AOPEP: variants seen among roughly 807,000 people sequenced by gnomAD.
The protein encoded by AOPEP is aminopeptidase O.
AOPEP carries 77 observed loss-of-function variants against 98.1 expected under a neutral mutation model. The observed-to-expected ratio is 0.78, with a 90% CI of 0.65 to 0.95. The LOEUF is 0.95. Ranked by LOEUF, AOPEP falls within the 40% of genes least tolerant of loss-of-function variation. The pLI is 0.00. For synonymous variants in AOPEP, 346 were observed against 365.3 expected (o/e 0.95, Z 0.60); for missense variants, 1,024 against 1,024.7 (o/e 1.00, Z 0.01).
intron 4 of AOPEP, among the ~76,000 whole-genome samples, chr9:94,798,764 A>T (rs187245811): frequency 6.6e-6 from 1 of 152,340 alleles, no homozygotes; most frequent in East Asian, 1.9e-4. Context: ...ACATGAGAAA[A>T]AGATACTGTG....
chr9:94,764,834 ACT>A (rs1271794865), intron 2 of AOPEP, among the ~76,000 whole-genome samples: 1 of 151,006 alleles, frequency 6.6e-6, no homozygotes, highest in East Asian at 1.9e-4. Context: ...GTATATGGAA[ACT>A]CTGTATATTA....
At chr9:94,769,104 T>A (rs1840291439) in intron 2 of AOPEP, among the ~76,000 whole-genome samples, 1 of 152,250 alleles carries the variant, frequency 6.6e-6, no homozygotes, top group African/African-American at 2.4e-5. Context: ...ATGGGGGCCA[T>A]CTTTAGTCTG....
chr9:95,051,500 C>T (rs2066361849), intron 13 of AOPEP, among the ~76,000 whole-genome samples: 1 of 151,898 alleles, frequency 6.6e-6, no homozygotes, highest in Admixed American at 6.6e-5. Flanking sequence ...CTAAGACATA[C>T]AGTTGAGTTT....
chr9:95,107,824 G>A, the AOPEP span, among the ~76,000 whole-genome samples: 24 of 152,204 alleles, frequency 1.6e-4, no homozygotes, highest in South Asian at 2.9e-3. Context: ...TTTAGATGCC[G>A]GAACAATCTG....
chr9:94,874,030 A>G (rs557193516), intron 5 of AOPEP, among the ~76,000 whole-genome samples: 110 of 152,342 alleles, frequency 7.2e-4, no homozygotes, highest in Non-Finnish European at 1.2e-3. Flanking sequence ...CATGTAAAGT[A>G]TATTAGAAAT....
At chr9:94,753,519 T>C (rs976573312) in intron 1 of AOPEP, among the ~76,000 whole-genome samples, 42 of 152,060 alleles carry the variant, frequency 2.8e-4, no homozygotes, top group African/African-American at 9.4e-4. Flanking sequence ...AAAACAGGAA[T>C]GTAGAAAAAT....
intron 13 of AOPEP, among the ~76,000 whole-genome samples, chr9:95,025,163 C>G (rs1242698764): frequency 6.6e-6 from 1 of 152,210 alleles, no homozygotes; most frequent in Non-Finnish European, 1.5e-5. Flanking sequence ...TGCTCACCTG[C>G]TGCACCTGGT....
At chr9:95,051,955 G>A (rs896908892) in intron 13 of AOPEP, among the ~76,000 whole-genome samples, 2 of 152,120 alleles carry the variant, frequency 1.3e-5, no homozygotes, top group Middle Eastern at 3.4e-3. Flanking sequence ...TGCCCACCTC[G>A]GCCTCCCAAA....
intron 11 of AOPEP, among the ~76,000 whole-genome samples, chr9:95,000,270 C>G (rs562676210): frequency 6.6e-6 from 1 of 152,314 alleles, no homozygotes; most frequent in South Asian, 2.1e-4. Context: ...GAAGACTGTC[C>G]TGTGGCTCCT....
At chr9:95,044,452 A>G (rs1375399036) in intron 13 of AOPEP, among the ~76,000 whole-genome samples, 1 of 152,196 alleles carries the variant, frequency 6.6e-6, no homozygotes, top group Non-Finnish European at 1.5e-5. Context: ...AAATGGGAGC[A>G]TCATGCGCAG....
At chr9:94,749,911 G>A (rs1298074185) in intron 1 of AOPEP, among the ~76,000 whole-genome samples, 1 of 140,854 alleles carries the variant, frequency 7.1e-6, no homozygotes, top group Non-Finnish European at 1.5e-5. Context: ...TTTCTTTTAT[G>A]TCTAGTATTA....
At chr9:95,117,378 G>A in the AOPEP span, 12 of 1,613,870 alleles carry the variant, frequency 7.4e-6, no homozygotes, top group Non-Finnish European at 1.0e-5. Flanking sequence ...TAGGTCTTGA[G>A]TGCAAACCGC....
At chr9:94,847,152 A>ACT (rs1554739476) in intron 5 of AOPEP, among the ~76,000 whole-genome samples, 5 of 140,474 alleles carry the variant, frequency 3.6e-5, no homozygotes, top group South Asian at 2.4e-4. Context: ...ACACACACAC[A>ACT]CTCTCTCTGT....
intron 16 of AOPEP, chr9:95,082,952 T>A (rs1391576220): frequency 3.8e-6 from 2 of 526,990 alleles, no homozygotes; most frequent in Non-Finnish European, 6.8e-6. Flanking sequence ...GCAGAGGCTG[T>A]CCACCTGGAG....
intron 7 of AOPEP, among the ~76,000 whole-genome samples, chr9:94,945,162 A>G (rs771749011): frequency 2.6e-5 from 4 of 152,216 alleles, no homozygotes; most frequent in Admixed American, 2.0e-4. Flanking sequence ...TTCACTCCCA[A>G]GAAAGCATCC....
chr9:94,788,709 G>T (rs1415418262), intron 3 of AOPEP, among the ~76,000 whole-genome samples: 1 of 152,188 alleles, frequency 6.6e-6, no homozygotes, highest in African/African-American at 2.4e-5. Context: ...TGCCTAGACA[G>T]TGAAAGCCTG....
the AOPEP span, among the ~76,000 whole-genome samples, chr9:95,111,841 C>T: frequency 1.3e-5 from 2 of 152,196 alleles, no homozygotes; most frequent in African/African-American, 2.4e-5. Flanking sequence ...GAGTGCCTCT[C>T]AGGACCCCCG....
the AOPEP span, among the ~76,000 whole-genome samples, chr9:95,130,291 TGTGTGTGTGA>T: frequency 6.7e-6 from 1 of 148,216 alleles, no homozygotes; most frequent in East Asian, 1.9e-4. Context: ...TCTGTGTGTG[TGTGTGTGTGA>T]GAGAGAGAGA....
chr9:94,819,774 C>T (rs973947461), intron 5 of AOPEP, among the ~76,000 whole-genome samples: 14 of 151,308 alleles, frequency 9.3e-5, no homozygotes, highest in African/African-American at 3.4e-4. Context: ...GGTCTGACTA[C>T]GTTGCCTAGG....
Sources: gnomAD v4.1 joint callset for allele counts (sites outside exome capture counted in the v4.1 genomes callset) on GRCh38, gnomAD v4.1.1 for gene constraint, MANE v1.5 for transcripts, NCBI Gene and HGNC (gene_info 2026-07-23, HGNC 2026-07-21) for gene names.